Variants in OPCML observed in about 807,000 individuals in gnomAD.
OPCML encodes the protein opioid binding protein/cell adhesion molecule like.
Under a neutral mutation model 37.8 loss-of-function variants are expected in OPCML, and 13 were observed. The ratio of observed to expected loss-of-function variants is 0.34; its 90% CI spans 0.22 to 0.55. The LOEUF is 0.55. Among genes scored for constraint, OPCML ranks in the 20% least tolerant of loss-of-function variants. The pLI, the probability that OPCML is intolerant of heterozygous loss-of-function variation, is 0.91. For missense variants in OPCML, 341 were observed against 435.6 expected, an observed-to-expected ratio of 0.78 and a Z score of 1.93; for synonymous variants, 176 against 168.8, an observed-to-expected ratio of 1.04 and a Z score of -0.33.
chr11:132,467,301 G>C (rs548142965), intron 4 of OPCML, among the ~76,000 whole-genome samples: 1 of 152,280 alleles, frequency 6.6e-6, no homozygotes, highest in East Asian at 1.9e-4. Context: ...AAGAGTTCCC[G>C]TCACCTGAGA....
intron 1 of OPCML, among the ~76,000 whole-genome samples, chr11:133,457,667 A>G (rs1946701486): frequency 6.6e-6 from 1 of 152,046 alleles, no homozygotes; most frequent in Non-Finnish European, 1.5e-5. Context: ...GTATAATTTT[A>G]TATGGTCTCA....
At chr11:132,762,804 C>G (rs1474495860) in intron 2 of OPCML, among the ~76,000 whole-genome samples, 1 of 152,106 alleles carries the variant, frequency 6.6e-6, no homozygotes, top group Admixed American at 6.5e-5. Context: ...GCTTCAGCCC[C>G]CTTTCCAGGG....
At chr11:132,440,017 C>T (rs7926384) in intron 4 of OPCML, among the ~76,000 whole-genome samples, 31,984 of 152,034 alleles carry the variant, frequency 0.21, 6,860 homozygotes, top group African/African-American at 0.54. Flanking sequence ...TTGACCTACA[C>T]GTAGGGAGGG....
intron 1 of OPCML, among the ~76,000 whole-genome samples, chr11:133,364,847 G>T (rs779780117): frequency 3.3e-5 from 5 of 152,028 alleles, no homozygotes; most frequent in Admixed American, 2.6e-4. Flanking sequence ...GAGAGCTTGT[G>T]GGGGGTGTGT....
intron 3 of OPCML, among the ~76,000 whole-genome samples, chr11:132,563,024 T>C (rs551662357): frequency 4.6e-5 from 7 of 152,312 alleles, no homozygotes; most frequent in African/African-American, 1.7e-4. Flanking sequence ...TTGCTGCTTT[T>C]CAGTAGTATA....
At chr11:132,487,213 C>G (rs1011353441) in intron 4 of OPCML, among the ~76,000 whole-genome samples, 2 of 152,204 alleles carry the variant, frequency 1.3e-5, no homozygotes, top group Admixed American at 6.5e-5. Context: ...GACGGTTACT[C>G]AGCCCATCAT....
intron 2 of OPCML, among the ~76,000 whole-genome samples, chr11:132,756,768 G>A (rs185857116): frequency 2.0e-4 from 31 of 152,162 alleles, no homozygotes; most frequent in Non-Finnish European, 5.9e-5. Flanking sequence ...TCTGTTCAAG[G>A]TCTTCTTTTT....
intron 1 of OPCML, among the ~76,000 whole-genome samples, chr11:133,347,781 T>A (rs1412229904): frequency 1.3e-5 from 2 of 152,182 alleles, no homozygotes; most frequent in South Asian, 4.1e-4. Context: ...TGTGTATCAT[T>A]CACTTCAGCA....
chr11:132,788,028 A>ATG (rs1565863998), intron 2 of OPCML, among the ~76,000 whole-genome samples: 6 of 151,976 alleles, frequency 3.9e-5, no homozygotes, highest in African/African-American at 1.4e-4. Context: ...CTACAGGCGC[A>ATG]CGCCACCATG....
At chr11:132,635,233 C>T (rs1283008961) in intron 3 of OPCML, among the ~76,000 whole-genome samples, 2 of 152,002 alleles carry the variant, frequency 1.3e-5, no homozygotes, top group Non-Finnish European at 2.9e-5. Context: ...ATGGAGTATG[C>T]TTACTTTTAA....
At chr11:132,584,638 T>A (rs9667235) in intron 3 of OPCML, among the ~76,000 whole-genome samples, 1 of 152,142 alleles carries the variant, frequency 6.6e-6, no homozygotes, top group Admixed American at 6.5e-5. Context: ...GTTACAGAAC[T>A]GGGCTCCCTG....
chr11:133,522,728 C>T (rs1948418218), intron 1 of OPCML, among the ~76,000 whole-genome samples: 3 of 152,206 alleles, frequency 2.0e-5, no homozygotes, highest in East Asian at 1.9e-4. Context: ...GGGGCTCAGT[C>T]ACTATCTGAC....
intron 1 of OPCML, among the ~76,000 whole-genome samples, chr11:133,247,540 T>TTCTCTTTCTTTC (rs1555122386): frequency 2.5e-5 from 3 of 122,408 alleles, no homozygotes. Context: ...CTTTCCTTCT[T>TTCTCTTTCTTTC]TTTCTTTCTT....
chr11:133,201,120 G>A (rs1406183473), intron 1 of OPCML, among the ~76,000 whole-genome samples: 3 of 151,996 alleles, frequency 2.0e-5, no homozygotes, highest in African/African-American at 7.3e-5. Flanking sequence ...TAGATACAGG[G>A]GCCCACTTGA....
At chr11:132,686,658 C>A (rs1943169592) in intron 2 of OPCML, among the ~76,000 whole-genome samples, 1 of 152,210 alleles carries the variant, frequency 6.6e-6, no homozygotes, top group African/African-American at 2.4e-5. Flanking sequence ...GGAGCATCTC[C>A]TATTCCCATT....
chr11:132,894,232 C>A (rs566296649), intron 2 of OPCML, among the ~76,000 whole-genome samples: 2 of 152,328 alleles, frequency 1.3e-5, no homozygotes, highest in Admixed American at 1.3e-4. Flanking sequence ...GACTTACAAG[C>A]AAGCACTTGG....
At chr11:133,378,882 C>T (rs1281318346) in intron 1 of OPCML, among the ~76,000 whole-genome samples, 4 of 152,012 alleles carry the variant, frequency 2.6e-5, no homozygotes, top group African/African-American at 7.2e-5. Flanking sequence ...GCTAGGACAA[C>T]GAGTGCACAC....
At chr11:132,568,057 T>C (rs2096428458) in intron 3 of OPCML, among the ~76,000 whole-genome samples, 1 of 151,718 alleles carries the variant, frequency 6.6e-6, no homozygotes, top group Non-Finnish European at 1.5e-5. Flanking sequence ...CGCGCGCGTG[T>C]GTGTGTGTGT....
chr11:132,982,514 C>CA (rs71696344), intron 1 of OPCML, among the ~76,000 whole-genome samples: 8,281 of 134,922 alleles, frequency 0.061, 277 homozygotes, highest in African/African-American at 0.085. Flanking sequence ...AGGCTTAGAG[C>CA]AAAAAAAAAA....
Sources: gnomAD v4.1 joint callset for allele counts (sites outside exome capture counted in the v4.1 genomes callset) on GRCh38, gnomAD v4.1.1 for gene constraint, MANE v1.5 for transcripts, NCBI Gene and HGNC (gene_info 2026-07-23, HGNC 2026-07-21) for gene names.